The following SLC12A8 variants were observed in gnomAD, a reference collection of about 807,000 sequenced individuals.
SLC12A8 encodes the protein solute carrier family 12 member 8, also known as cation-chloride cotransporter 9.
SLC12A8 carries 69 observed loss-of-function variants against 75.6 expected under a neutral mutation model. The observed-to-expected ratio is 0.91, with a 90% CI of 0.75 to 1.11. The LOEUF is 1.11. Ranked by LOEUF, SLC12A8 falls within the 50% of genes most tolerant of loss-of-function variation. SLC12A8 has a pLI of 0.00. For missense variants in SLC12A8, 877 were observed against 896.7 expected (o/e 0.98, Z 0.28); for synonymous variants, 365 against 372.8 (o/e 0.98, Z 0.24).
intron 6 of SLC12A8, among the ~76,000 whole-genome samples, chr3:125,121,261 C>CT (rs1424324767): frequency 6.6e-6 from 1 of 152,230 alleles, no homozygotes; most frequent in Non-Finnish European, 1.5e-5. Context: ...TGCAAGAACA[C>CT]TAATGAAAAT....
At chr3:125,172,420 G>T (rs926243218) in intron 5 of SLC12A8, among the ~76,000 whole-genome samples, 4 of 151,972 alleles carry the variant, frequency 2.6e-5, no homozygotes, top group African/African-American at 9.7e-5. Context: ...CAGCTCTCAG[G>T]AAAGAACCAC....
chr3:125,090,685 G>A (rs544212556), intron 12 of SLC12A8, among the ~76,000 whole-genome samples: 1 of 152,232 alleles, frequency 6.6e-6, no homozygotes, highest in Non-Finnish European at 1.5e-5. Flanking sequence ...CTTTATCACT[G>A]TAATATTCTT....
At chr3:125,119,845 T>C in intron 7 of SLC12A8, 1 of 456,774 alleles carries the variant, frequency 2.2e-6, no homozygotes, top group Non-Finnish European at 4.4e-6. Flanking sequence ...GTCTCTGATC[T>C]CTTTGCCTCT....
intron 10 of SLC12A8, among the ~76,000 whole-genome samples, chr3:125,095,127 G>C (rs188495280): frequency 6.6e-6 from 1 of 152,230 alleles, no homozygotes; most frequent in South Asian, 2.1e-4. Flanking sequence ...GGCTTTAAAT[G>C]CTACTGATAT....
intron 2 of SLC12A8, among the ~76,000 whole-genome samples, chr3:125,205,410 T>C (rs956683424): frequency 8.6e-5 from 13 of 151,458 alleles, no homozygotes; most frequent in African/African-American, 3.2e-4. Flanking sequence ...ACACTTTCAC[T>C]CCAGTTTCTA....
At chr3:125,158,783 A>G (rs1934103180) in intron 5 of SLC12A8, among the ~76,000 whole-genome samples, 1 of 152,202 alleles carries the variant, frequency 6.6e-6, no homozygotes, top group Non-Finnish European at 1.5e-5. Flanking sequence ...TCAGCCCATA[A>G]GGTAACACCT....
chr3:125,169,813 A>T (rs1467880048), intron 5 of SLC12A8, among the ~76,000 whole-genome samples: 1 of 152,126 alleles, frequency 6.6e-6, no homozygotes, highest in African/African-American at 2.4e-5. Context: ...ACTGCCACCC[A>T]CTTGGGTTGT....
At chr3:125,186,846 G>A (rs930211650) in intron 4 of SLC12A8, among the ~76,000 whole-genome samples, 2 of 152,220 alleles carry the variant, frequency 1.3e-5, no homozygotes, top group African/African-American at 4.8e-5. Context: ...AAGCCCTTTG[G>A]CACAGGCAAA....
intron 5 of SLC12A8, among the ~76,000 whole-genome samples, chr3:125,153,893 G>A (rs1472068670): frequency 2.0e-5 from 3 of 152,126 alleles, no homozygotes; most frequent in South Asian, 2.1e-4. Flanking sequence ...GGTTACAGGC[G>A]CGTGACACCA....
intron 5 of SLC12A8, among the ~76,000 whole-genome samples, chr3:125,158,032 A>AG (rs1934087926): frequency 6.6e-6 from 1 of 152,210 alleles, no homozygotes; most frequent in Non-Finnish European, 1.5e-5. Context: ...ACATGAGCCA[A>AG]GGAAGGATGG....
intron 9 of SLC12A8, among the ~76,000 whole-genome samples, chr3:125,108,537 T>G (rs1302341880): frequency 2.0e-5 from 3 of 152,144 alleles, no homozygotes; most frequent in Non-Finnish European, 4.4e-5. Context: ...CATGGCTAAT[T>G]TTTGTATTTC....
At chr3:125,093,126 T>C (rs1050116168) in intron 10 of SLC12A8, among the ~76,000 whole-genome samples, 2 of 152,180 alleles carry the variant, frequency 1.3e-5, no homozygotes, top group African/African-American at 2.4e-5. Context: ...AATTTAACTA[T>C]GAAAATGCAT....
At chr3:125,103,314 A>C (rs1172623383) in intron 10 of SLC12A8, among the ~76,000 whole-genome samples, 2 of 152,164 alleles carry the variant, frequency 1.3e-5, no homozygotes, top group African/African-American at 4.8e-5. Flanking sequence ...TGAAGAGCCC[A>C]AGAGAAAAAC....
At chr3:125,135,522 A>G (rs1180035708) in intron 6 of SLC12A8, 147 bp downstream of exon 6, 2 of 499,436 alleles carry the variant, frequency 4.0e-6, no homozygotes, top group Non-Finnish European at 7.2e-6. Context: ...AACAGATAAA[A>G]TAACAAAATT....
intron 5 of SLC12A8, among the ~76,000 whole-genome samples, chr3:125,158,313 C>T (rs1434538762): frequency 6.6e-6 from 1 of 152,064 alleles, no homozygotes; most frequent in Non-Finnish European, 1.5e-5. Flanking sequence ...TCCTGCCTCC[C>T]AGGTTCAAGC....
At chr3:125,137,907 G>A (rs1386620540) in intron 5 of SLC12A8, among the ~76,000 whole-genome samples, 1 of 151,856 alleles carries the variant, frequency 6.6e-6, no homozygotes, top group Non-Finnish European at 1.5e-5. Flanking sequence ...GCACACTCAC[G>A]CTGACACACG....
At chr3:125,128,084 G>A (rs1029789590) in intron 6 of SLC12A8, among the ~76,000 whole-genome samples, 2 of 151,966 alleles carry the variant, frequency 1.3e-5, no homozygotes, top group South Asian at 2.1e-4. Flanking sequence ...ATGTTGGCCA[G>A]GATGGTCTTG....
chr3:125,199,828 C>A (rs1935086275), intron 2 of SLC12A8, among the ~76,000 whole-genome samples: 1 of 151,714 alleles, frequency 6.6e-6, no homozygotes, highest in African/African-American at 2.4e-5. Context: ...TGGTATAAAC[C>A]TTGACAATGT....
At chr3:125,094,118 A>T (rs1392283853) in intron 10 of SLC12A8, among the ~76,000 whole-genome samples, 2 of 152,158 alleles carry the variant, frequency 1.3e-5, no homozygotes, top group Non-Finnish European at 2.9e-5. Context: ...GTAACCTTAC[A>T]CTTCCTAAAT....
Sources: gnomAD v4.1 joint callset for allele counts (sites outside exome capture counted in the v4.1 genomes callset) on GRCh38, gnomAD v4.1.1 for gene constraint, MANE v1.5 for transcripts, NCBI Gene and HGNC (gene_info 2026-07-23, HGNC 2026-07-21) for gene names.